Variants in TMEM132B observed in about 807,000 individuals in gnomAD.
TMEM132B encodes transmembrane protein 132B.
A neutral mutation model predicts 90.8 loss-of-function variants in TMEM132B; 18 were observed. That is an observed-to-expected ratio of 0.20 (90% CI 0.14 to 0.29). The LOEUF (loss-of-function observed/expected upper bound fraction) is 0.29. TMEM132B is among the 10% of genes least tolerant of loss of function. TMEM132B has a pLI of 1.00. For missense variants in TMEM132B, 1,096 were observed against 1,326.8 expected, an observed-to-expected ratio of 0.83 and a Z score of 2.70; for synonymous variants, 504 against 523.3, an observed-to-expected ratio of 0.96 and a Z score of 0.50.
chr12:125,350,598 C>A (rs1214141504), intron 2 of TMEM132B, among the ~76,000 whole-genome samples: 1 of 152,082 alleles, frequency 6.6e-6, no homozygotes, highest in Non-Finnish European at 1.5e-5. Flanking sequence ...CTCCATAGAG[C>A]CAGAGAAGCG....
At chr12:125,497,486 G>T (rs990829088) in intron 3 of TMEM132B, among the ~76,000 whole-genome samples, 6 of 152,140 alleles carry the variant, frequency 3.9e-5, no homozygotes, top group African/African-American at 1.4e-4. Flanking sequence ...TATTCCAGGA[G>T]ATTTATAAAA....
Position 125,605,854 on chromosome 12 carries a change from ATTATT to A in TMEM132B, c.1437+21863_1437+21867del, listed in dbSNP as rs1451674448. On this transcript the variant is annotated intron_variant, in intron 5 of 8. Transcript: ENST00000682704. ...CTGACTGAAGAAGATGAGAGAGGAA[ATTATT>A]TTGTATTGAGAAGATGAACCAAAGA... is the stretch of plus-strand genomic sequence containing the variant. Among the ~76,000 whole-genome samples, 9 of 152,306 alleles carry A rather than the reference ATTATT, an allele frequency of 5.9e-5. 1 individual carries two copies. The East Asian group carries it at 1.7e-3, about 29-fold the overall frequency.
At chr12:125,417,687 C>T (rs1322870816) in intron 3 of TMEM132B, among the ~76,000 whole-genome samples, 1 of 152,104 alleles carries the variant, frequency 6.6e-6, no homozygotes, top group Non-Finnish European at 1.5e-5. Context: ...AACCTGTCTC[C>T]CTGGTTTAGC....
intron 1 of TMEM132B, among the ~76,000 whole-genome samples, chr12:125,285,562 G>A (rs2136137665): frequency 6.6e-6 from 1 of 152,312 alleles, no homozygotes; most frequent in East Asian, 1.9e-4. Flanking sequence ...ATGATGTGGA[G>A]ATTTCAAAGC....
At chr12:125,305,443 G>C (rs188960198) in intron 1 of TMEM132B, among the ~76,000 whole-genome samples, 41 of 152,000 alleles carry the variant, frequency 2.7e-4, no homozygotes, top group Admixed American at 7.2e-4. Flanking sequence ...CCCAGGGTAG[G>C]GGGGGGAAGG....
At chr12:125,640,770 G>C (rs561343259) in intron 5 of TMEM132B, among the ~76,000 whole-genome samples, 1 of 152,132 alleles carries the variant, frequency 6.6e-6, no homozygotes, top group African/African-American at 2.4e-5. Context: ...CACCCACCTC[G>C]TGGCATTACC....
intron 4 of TMEM132B, among the ~76,000 whole-genome samples, chr12:125,560,125 C>G (rs930742969): frequency 3.9e-5 from 6 of 152,138 alleles, no homozygotes; most frequent in African/African-American, 1.4e-4. Context: ...ACAGAAAGCC[C>G]CATCTGATTG....
intron 4 of TMEM132B, among the ~76,000 whole-genome samples, chr12:125,536,101 C>T (rs1246093926): frequency 6.6e-6 from 1 of 152,174 alleles, no homozygotes; most frequent in Non-Finnish European, 1.5e-5. Flanking sequence ...TATCAGCTGG[C>T]CCCAACCTTG....
At chr12:125,305,325 C>T (rs1190109648) in intron 1 of TMEM132B, among the ~76,000 whole-genome samples, 3 of 150,724 alleles carry the variant, frequency 2.0e-5, no homozygotes, top group Non-Finnish European at 4.4e-5. Flanking sequence ...GATTTGCTGT[C>T]ATGAGGAGGC....
chr12:125,403,403 T>C (rs1238690781), intron 2 of TMEM132B, among the ~76,000 whole-genome samples: 6 of 152,200 alleles, frequency 3.9e-5, no homozygotes, highest in East Asian at 1.9e-4. Flanking sequence ...CACCTTGTGG[T>C]CATATATTTT....
At chr12:125,418,409 T>C (rs1364801292) in intron 3 of TMEM132B, among the ~76,000 whole-genome samples, 1 of 152,192 alleles carries the variant, frequency 6.6e-6, no homozygotes, top group African/African-American at 2.4e-5. Flanking sequence ...TGACCTCCCT[T>C]GGGCCCTAAG....
intron 1 of TMEM132B, among the ~76,000 whole-genome samples, chr12:125,324,307 G>C (rs186329432): frequency 2.0e-5 from 3 of 152,332 alleles, no homozygotes; most frequent in Admixed American, 2.0e-4. Flanking sequence ...TCCAAAACAA[G>C]GTGGTCTGCA....
At chr12:125,331,848 G>A (rs547712703) in intron 1 of TMEM132B, among the ~76,000 whole-genome samples, 124 of 152,224 alleles carry the variant, frequency 8.1e-4, no homozygotes, top group African/African-American at 2.9e-3. Flanking sequence ...TGACCTCCCG[G>A]GCTCTAACGA....
intron 4 of TMEM132B, among the ~76,000 whole-genome samples, chr12:125,583,285 A>G (rs1290846321): frequency 6.6e-6 from 1 of 152,148 alleles, no homozygotes. Flanking sequence ...ATTTAAAAAT[A>G]CCTGGGTTTG....
At chr12:125,569,462 C>T (rs1884738655) in intron 4 of TMEM132B, among the ~76,000 whole-genome samples, 1 of 152,088 alleles carries the variant, frequency 6.6e-6, no homozygotes. Flanking sequence ...ATCTGGTGTC[C>T]ATCCGCAGCT....
intron 1 of TMEM132B, among the ~76,000 whole-genome samples, chr12:125,336,112 C>T (rs927989314): frequency 6.6e-6 from 1 of 152,228 alleles, no homozygotes; most frequent in South Asian, 2.1e-4. Flanking sequence ...TCCATCACCC[C>T]TCTTCCAATT....
chr12:125,464,109 G>T (rs1000505935), intron 3 of TMEM132B, among the ~76,000 whole-genome samples: 1 of 152,134 alleles, frequency 6.6e-6, no homozygotes, highest in Non-Finnish European at 1.5e-5. Flanking sequence ...TTTTGGTGGG[G>T]ACACAGAGCC....
In TMEM132B at chr12:125,319,186, C is replaced by T. The variant is rs115135003; in HGVS notation, c.68-30266C>T. Among the ~76,000 whole-genome samples, 487 of 152,280 alleles carry T rather than the reference C, an allele frequency of 3.2e-3. 4 individuals are homozygous for T. Among genetic ancestry groups the T allele is most frequent in the African/African-American group, 0.011 (463 of 41,552 alleles). On this transcript the variant is annotated intron_variant, in intron 1 of 8. Transcript: ENST00000682704. ...ATTTAGTCCCCATGACTACAGCTCC[C>T]GGGGCTGGTGGGAGGATTTGCAGAG...
chr12:125,221,943 C>T (rs1348403828), intron 1 of TMEM132B, among the ~76,000 whole-genome samples: 1 of 152,156 alleles, frequency 6.6e-6, no homozygotes, highest in African/African-American at 2.4e-5. Flanking sequence ...GGTAAGATGA[C>T]GCCTGCTCAT....
Sources: gnomAD v4.1 joint callset for allele counts (sites outside exome capture counted in the v4.1 genomes callset) on GRCh38, gnomAD v4.1.1 for gene constraint, MANE v1.5 for transcripts, NCBI Gene and HGNC (gene_info 2026-07-23, HGNC 2026-07-21) for gene names.